Variants in NPHP1 observed in about 807,000 individuals in gnomAD.
NPHP1 encodes nephrocystin-1.
Under a neutral mutation model 90.4 loss-of-function variants are expected in NPHP1, and 70 were observed. The ratio of observed to expected loss-of-function variants is 0.77; its 90% CI spans 0.64 to 0.95. The LOEUF (loss-of-function observed/expected upper bound fraction) is 0.95. NPHP1 is among the 40% of genes least tolerant of loss of function. NPHP1 has a pLI of 0.00. For missense variants in NPHP1, 764 were observed against 795.9 expected, an observed-to-expected ratio of 0.96 and a Z score of 0.48; for synonymous variants, 256 against 271.7, an observed-to-expected ratio of 0.94 and a Z score of 0.57.
intron 1 of NPHP1, among the ~76,000 whole-genome samples, chr2:110,204,400 A>T (rs888850807): frequency 2.0e-5 from 3 of 152,104 alleles, no homozygotes; most frequent in Non-Finnish European, 4.4e-5. Context: ...CATTTATCAG[A>T]TCTTAATGTT....
chr2:110,162,922 T>G, intron 9 of NPHP1, 126 bp downstream of exon 9: 1 of 727,140 alleles, frequency 1.4e-6, no homozygotes, highest in Non-Finnish European at 2.5e-6. Context: ...GAGGAAAAGA[T>G]GAGCACCAAA....
intron 11 of NPHP1, among the ~76,000 whole-genome samples, chr2:110,154,151 A>G (rs940800269): frequency 3.9e-5 from 6 of 152,002 alleles, no homozygotes; most frequent in African/African-American, 7.2e-5. Flanking sequence ...TGTTCTTGTG[A>G]TAGTGAATGA....
chr2:110,133,624 T>C (rs1020738368), intron 16 of NPHP1, among the ~76,000 whole-genome samples: 4 of 152,104 alleles, frequency 2.6e-5, no homozygotes, highest in East Asian at 1.9e-4. Context: ...AAAGACCATA[T>C]GTTGAGTCAC....
chr2:110,165,646 A>G (rs1682676319), intron 6 of NPHP1, among the ~76,000 whole-genome samples: 3 of 152,090 alleles, frequency 2.0e-5, no homozygotes, highest in Non-Finnish European at 2.9e-5. Context: ...CAAAGAAAAT[A>G]TCTAACACAT....
intron 12 of NPHP1, among the ~76,000 whole-genome samples, chr2:110,149,088 T>C (rs764379847): frequency 9.2e-5 from 14 of 152,174 alleles, no homozygotes; most frequent in Non-Finnish European, 1.5e-4. Flanking sequence ...AATAAGGTAA[T>C]GTACGTAAGA....
intron 4 of NPHP1, among the ~76,000 whole-genome samples, chr2:110,173,876 T>C (rs1683333951): frequency 6.6e-6 from 1 of 152,170 alleles, no homozygotes; most frequent in Admixed American, 6.5e-5. Flanking sequence ...TGGCAACTTT[T>C]GCTTTATACA....
chr2:110,133,741 C>T (rs1679962158), intron 16 of NPHP1, among the ~76,000 whole-genome samples: 1 of 151,150 alleles, frequency 6.6e-6, no homozygotes, highest in African/African-American at 2.4e-5. Context: ...AACTGGAAAA[C>T]ACATAAATAT....
chr2:110,156,445 T>C (rs1681893070), intron 11 of NPHP1, among the ~76,000 whole-genome samples: 1 of 152,100 alleles, frequency 6.6e-6, no homozygotes, highest in African/African-American at 2.4e-5. Flanking sequence ...AATTTGCCCT[T>C]TCTTGGGTAT....
intron 5 of NPHP1, among the ~76,000 whole-genome samples, chr2:110,169,500 T>C (rs1237172837): frequency 3.3e-5 from 5 of 152,094 alleles, no homozygotes; most frequent in Non-Finnish European, 7.4e-5. Context: ...TACCTCCACC[T>C]ATGGACATTG....
rs1680803263 is a variant in NPHP1 at position 110,143,587 on chromosome 2, A to G, written c.1484T>C (p.Leu495Pro). 6.2e-7 allele frequency: 1 copy of G among 1,613,868 alleles called. No individual in the cohort carries two copies. The change falls in exon 16 of 20, where the codon CTA (leucine) becomes CCA (proline). Residue 495 changes from leucine to proline, a missense_variant. Physicochemically the swap from Leu to Pro is moderately conservative, Grantham distance 98 (BLOSUM62 -3). Coordinates refer to ENST00000445609, the MANE Select transcript of NPHP1 (RefSeq NM_001128178.3). Reference sequence around the variant, plus strand: ...TCTGTTCAAGGATCTCAGTTTCACTAGAAGTTGAGGCTGCCTTCTCATTGT... The same window carrying G: ...TCTGTTCAAGGATCTCAGTTTCACTGGAAGTTGAGGCTGCCTTCTCATTGT... ...IMTMRRQPQL[L>P]VKLRSLNRRS...
At chr2:110,201,557 C>CT (rs1248797301) in intron 1 of NPHP1, 63 bp from the exon 2 acceptor site, 2 of 1,136,970 alleles carry the variant, frequency 1.8e-6, no homozygotes, top group African/African-American at 1.5e-5. Flanking sequence ...AAGAAAACTT[C>CT]TTTTTTTATC....
At chr2:110,185,993 G>A (rs1684257613) in intron 2 of NPHP1, among the ~76,000 whole-genome samples, 1 of 152,126 alleles carries the variant, frequency 6.6e-6, no homozygotes, top group Non-Finnish European at 1.5e-5. Flanking sequence ...TGAAGTGTTT[G>A]TTCAGTAAGG....
In NPHP1 at chr2:110,169,889, C is replaced by T. The variant is rs1011754227; in HGVS notation, c.439G>A (p.Glu147Lys). Residue 147 changes from glutamate to lysine, a missense_variant, in exon 5 of 20, where the codon GAA becomes AAA. Coordinates refer to ENST00000445609, the MANE Select transcript of NPHP1 (RefSeq NM_001128178.3). ...EEEEEEKEEN[E>K]SHKWSTGEEY... is the part of the protein sequence containing the mutation. Reference sequence around the variant, plus strand: ...TCACCGGTTGACCATTTGTGAGATTCATTTTCCTCTTTCTCTTCCTCTTCC... The same window carrying T: ...TCACCGGTTGACCATTTGTGAGATTTATTTTCCTCTTTCTCTTCCTCTTCC... 19 of 1,613,318 alleles carry T rather than the reference C, an allele frequency of 1.2e-5. No individual in the cohort carries two copies. The Middle Eastern group carries it at 4.9e-4, about 42-fold the overall frequency.
At chr2:110,204,063 T>C (rs530877220) in intron 1 of NPHP1, among the ~76,000 whole-genome samples, 2 of 152,326 alleles carry the variant, frequency 1.3e-5, no homozygotes, top group East Asian at 3.9e-4. Context: ...AGTAACAATG[T>C]GATGAATACT....
intron 12 of NPHP1, among the ~76,000 whole-genome samples, chr2:110,148,729 T>A (rs565706847): frequency 6.6e-6 from 1 of 152,196 alleles, no homozygotes; most frequent in Admixed American, 6.5e-5. Flanking sequence ...ATAGACATTA[T>A]AAGATATTTA....
At chr2:110,179,961 T>C (rs1245648114) in intron 2 of NPHP1, among the ~76,000 whole-genome samples, 2 of 152,130 alleles carry the variant, frequency 1.3e-5, no homozygotes, top group African/African-American at 4.8e-5. Context: ...CGCTGGACTT[T>C]AAAATGCTTC....
At chr2:110,139,337 C>T (rs1283422308) in intron 16 of NPHP1, among the ~76,000 whole-genome samples, 1 of 152,120 alleles carries the variant, frequency 6.6e-6, no homozygotes, top group Non-Finnish European at 1.5e-5. Flanking sequence ...TATACACATG[C>T]TTTTGGTCAA....
chr2:110,135,126 G>A (rs1344120315), intron 16 of NPHP1, among the ~76,000 whole-genome samples: 2 of 151,718 alleles, frequency 1.3e-5, no homozygotes, highest in East Asian at 1.9e-4. Flanking sequence ...CGTAAAAATC[G>A]TACTTTATAC....
intron 16 of NPHP1, among the ~76,000 whole-genome samples, chr2:110,137,720 G>C (rs1430053688): frequency 6.6e-6 from 1 of 151,678 alleles, no homozygotes; most frequent in Non-Finnish European, 1.5e-5. Flanking sequence ...CTTTTACACT[G>C]TTGGTGGGAC....
Sources: allele counts gnomAD v4.1 joint callset (sites outside exome capture counted in the v4.1 genomes callset), GRCh38; gene constraint gnomAD v4.1.1; transcripts MANE v1.5; gene names NCBI Gene and HGNC (gene_info 2026-07-23, HGNC 2026-07-21).